Variants in SOX5 observed in about 807,000 individuals in gnomAD.
The protein encoded by SOX5 is SRY-box transcription factor 5.
SOX5 carries 9 observed loss-of-function variants against 92.0 expected under a neutral mutation model. The ratio of observed to expected loss-of-function variants is 0.10; its 90% CI spans 0.06 to 0.17. The LOEUF is 0.17. SOX5 is among the 10% of genes least tolerant of loss of function. The probability of loss-of-function intolerance (pLI) is 1.00; values close to 1 mark genes in which losing one functional copy is unlikely to be tolerated. For missense variants in SOX5, 642 were observed against 944.5 expected (o/e 0.68, Z 4.20); for synonymous variants, 344 against 336.3 (o/e 1.02, Z -0.25).
At chr12:24,511,799 C>A (rs1039269246) in intron 1 of SOX5, among the ~76,000 whole-genome samples, 8 of 151,738 alleles carry the variant, frequency 5.3e-5, no homozygotes, top group East Asian at 1.9e-4. Flanking sequence ...TCTACTAAAA[C>A]TACAAAAAAT....
At chr12:23,912,664 A>C (rs2097364171) in intron 1 of SOX5, among the ~76,000 whole-genome samples, 1 of 152,218 alleles carries the variant, frequency 6.6e-6, no homozygotes, top group Non-Finnish European at 1.5e-5. Flanking sequence ...AATAAAAAGG[A>C]ATGAAGTACT....
At chr12:23,565,070 A>AT (rs1474802800) in intron 10 of SOX5, among the ~76,000 whole-genome samples, 1 of 152,126 alleles carries the variant, frequency 6.6e-6, no homozygotes, top group East Asian at 1.9e-4. Flanking sequence ...GTGATTATAT[A>AT]TTTTGCCTTT....
chr12:24,114,573 CAA>C (rs55913110), intron 4 of SOX5, among the ~76,000 whole-genome samples: 363 of 40,448 alleles, frequency 9.0e-3, no homozygotes, highest in African/African-American at 0.033. Flanking sequence ...CACCCCGTCA[CAA>C]AAAAAAAAAA....
chr12:23,819,123 C>T (rs778732431), intron 3 of SOX5, among the ~76,000 whole-genome samples: 1 of 152,186 alleles, frequency 6.6e-6, no homozygotes, highest in African/African-American at 2.4e-5. Flanking sequence ...ATGTACTGTA[C>T]ATAACTGTAT....
chr12:23,863,594 G>T (rs984289009), intron 2 of SOX5, among the ~76,000 whole-genome samples: 1 of 151,886 alleles, frequency 6.6e-6, no homozygotes, highest in South Asian at 2.1e-4. Flanking sequence ...TTTAAAGTTT[G>T]TTTTATCCCT....
chr12:24,053,633 C>G (rs1284512869), intron 4 of SOX5, among the ~76,000 whole-genome samples: 1 of 152,128 alleles, frequency 6.6e-6, no homozygotes. Context: ...AAATAACATA[C>G]ATTTATACTC....
rs531177714 is a variant in SOX5, at chr12:24,064,401, C to T, written c.-2+148942G>A. ...TTGAACATCTGGTAACCACGGCACC[C>T]GATCAGTTCCATCAGAAAAGGTATG... On this transcript the variant is annotated intron_variant, in intron 4 of 4. Transcript: ENST00000446891. Among the ~76,000 whole-genome samples, 43 of 152,192 alleles carry T rather than the reference C, an allele frequency of 2.8e-4. 1 individual carries two copies. Among genetic ancestry groups the T allele is most frequent in the Middle Eastern group, 6.8e-3 (2 of 294 alleles).
intron 4 of SOX5, among the ~76,000 whole-genome samples, chr12:24,142,763 G>A (rs1043549588): frequency 6.6e-6 from 1 of 151,550 alleles, no homozygotes; most frequent in Non-Finnish European, 1.5e-5. Flanking sequence ...TAGGGAAAGG[G>A]AGCTCAGGTG....
At chr12:23,809,760 C>CT (rs34337302) in intron 3 of SOX5, among the ~76,000 whole-genome samples, 1,434 of 133,264 alleles carry the variant, frequency 0.011, 5 homozygotes, top group East Asian at 0.023. Context: ...AAATGAAAGT[C>CT]TTTTTTTTTT....
At chr12:23,761,759 T>C (rs1381319262) in intron 3 of SOX5, among the ~76,000 whole-genome samples, 2 of 152,162 alleles carry the variant, frequency 1.3e-5, no homozygotes, top group Non-Finnish European at 2.9e-5. Flanking sequence ...AATTATTTGA[T>C]AGGTGGTACT....
chr12:24,359,811 G>A (rs1039040647), intron 2 of SOX5, among the ~76,000 whole-genome samples: 1 of 152,136 alleles, frequency 6.6e-6, no homozygotes, highest in Non-Finnish European at 1.5e-5. Context: ...GACCTGCAAA[G>A]ACATTTGAAT....
intron 3 of SOX5, among the ~76,000 whole-genome samples, chr12:23,789,789 T>C (rs2095439333): frequency 6.6e-6 from 1 of 152,064 alleles, no homozygotes; most frequent in Non-Finnish European, 1.5e-5. Context: ...ACTAATAAAA[T>C]CAGATCTTGA....
intron 2 of SOX5, among the ~76,000 whole-genome samples, chr12:24,290,033 T>C (rs535015815): frequency 6.6e-6 from 1 of 152,312 alleles, no homozygotes; most frequent in Admixed American, 6.5e-5. Flanking sequence ...ACTCTCCTTG[T>C]GAGTACTAAA....
chr12:24,557,324 G>A (rs1953891593), intron 1 of SOX5, among the ~76,000 whole-genome samples: 1 of 151,138 alleles, frequency 6.6e-6, no homozygotes, highest in Non-Finnish European at 1.5e-5. Flanking sequence ...GGAGGCGGAG[G>A]GTTCAACATC....
rs759171095 is a variant in SOX5, at chr12:23,755,661, G to A, written c.545C>T (p.Ser182Leu). Residue 182 changes from serine to leucine, a missense_variant, in exon 4 of 15, where the codon TCG becomes TTG. Around this residue, in one of 8 missense-constraint regions of SOX5, gnomAD observed 324 missense variants for 461.6 expected, o/e 0.70. Transcript: ENST00000451604. The stretch of plus-strand genomic sequence containing the variant: ...ACCTTTTATTTCGCCAAAGTTCCCC[G>A]ATCCCATTGCAAGAAGCTTGTCTTT... ...DWKDKLLAMG[S>L]GNFGEIKGTP... 11 of 1,590,406 alleles carry A rather than the reference G, an allele frequency of 6.9e-6. No homozygotes were observed. The highest frequency in any genetic ancestry group is 3.6e-5 in the Admixed American group (2 of 55,896).
chr12:23,980,065 C>T (rs1264634276), intron 4 of SOX5, among the ~76,000 whole-genome samples: 1 of 151,838 alleles, frequency 6.6e-6, no homozygotes, highest in Non-Finnish European at 1.5e-5. Context: ...CCTGCCTCAG[C>T]TGGCCTCCCA....
chr12:23,701,572 A>T (rs1453568332), intron 6 of SOX5, among the ~76,000 whole-genome samples: 1 of 152,116 alleles, frequency 6.6e-6, no homozygotes, highest in Non-Finnish European at 1.5e-5. Context: ...AGTATTTAGA[A>T]CTATAATTAA....
intron 4 of SOX5, among the ~76,000 whole-genome samples, chr12:24,056,632 A>C (rs1958133037): frequency 1.3e-5 from 2 of 152,046 alleles, no homozygotes; most frequent in Admixed American, 1.3e-4. Flanking sequence ...TGTTGCTTGC[A>C]CAAACTTCTA....
intron 4 of SOX5, among the ~76,000 whole-genome samples, chr12:24,093,459 CT>C (rs968078196): frequency 7.0e-4 from 106 of 151,142 alleles, no homozygotes; most frequent in African/African-American, 2.5e-3. Flanking sequence ...GGAGGTGGAG[CT>C]TGCAGTGAGC....
Sources: gnomAD v4.1 joint callset for allele counts (sites outside exome capture counted in the v4.1 genomes callset) on GRCh38, gnomAD v4.1.1 for gene constraint, gnomAD v4.1.1 regional missense constraint, MANE v1.5 for transcripts, NCBI Gene and HGNC (gene_info 2026-07-23, HGNC 2026-07-21) for gene names.